RERG: variants seen among roughly 807,000 people sequenced by gnomAD.
RERG encodes ras-related and estrogen-regulated growth inhibitor.
RERG carries 25 observed loss-of-function variants against 23.2 expected under a neutral mutation model. The ratio of observed to expected loss-of-function variants is 1.08; its 90% confidence interval spans 0.79 to 1.50. The LOEUF (loss-of-function observed/expected upper bound fraction) is 1.50. RERG is among the 40% of genes most tolerant of loss of function. RERG has a pLI of 0.00. For missense variants in RERG, 253 were observed against 250.1 expected (o/e 1.01, Z -0.08); for synonymous variants, 81 against 89.1 (o/e 0.91, Z 0.51).
intron 2 of RERG, among the ~76,000 whole-genome samples, chr12:15,139,531 C>T (rs963113808): frequency 2.0e-5 from 3 of 152,058 alleles, no homozygotes; most frequent in Non-Finnish European, 2.9e-5. Context: ...AGATCTGGTA[C>T]ATATTTTGTT....
At chr12:15,169,652 T>C (rs1864748832) in intron 2 of RERG, among the ~76,000 whole-genome samples, 1 of 152,198 alleles carries the variant, frequency 6.6e-6, no homozygotes, top group South Asian at 2.1e-4. Context: ...TTATAATAAA[T>C]CTATTTACAT....
chr12:15,214,392 G>C (rs930416729), intron 2 of RERG, among the ~76,000 whole-genome samples: 1 of 152,086 alleles, frequency 6.6e-6, no homozygotes, highest in Non-Finnish European at 1.5e-5. Flanking sequence ...TTAGCAAATG[G>C]GCAATATGGT....
intron 2 of RERG, among the ~76,000 whole-genome samples, chr12:15,214,533 C>A (rs1365677131): frequency 6.6e-6 from 1 of 152,114 alleles, no homozygotes; most frequent in Non-Finnish European, 1.5e-5. Context: ...TTCTTGCAGA[C>A]TTAAACAAGC....
At chr12:15,143,035 A>G (rs2136103091) in intron 2 of RERG, among the ~76,000 whole-genome samples, 1 of 152,316 alleles carries the variant, frequency 6.6e-6, no homozygotes, top group South Asian at 2.1e-4. Flanking sequence ...TTCAAGTCCA[A>G]AGGATTTGGC....
rs1197182978 is a variant in RERG at position 15,126,128 on chromosome 12, C to CATATATATATATGT, written c.62-5010_62-5009insACATATATATATAT. On this transcript the variant is annotated intron_variant, in intron 2 of 4. Coordinates refer to ENST00000256953, the MANE Select transcript of RERG (RefSeq NM_032918.3). ...ATTCCATGGAGAATGTTGTATATAC[C>CATATATATATATGT]ATATATATATATATATATATATATG... is the stretch of plus-strand genomic sequence containing the variant. Among the ~76,000 whole-genome samples, 131 of 89,092 alleles carry CATATATATATATGT rather than the reference C, an allele frequency of 1.5e-3. 1 individual carries two copies. The highest frequency in any genetic ancestry group is 5.6e-3 in the African/African-American group (124 of 21,974). The allele number at this position is 89,092 out of a possible 152,430, so 58.4% of individuals were successfully genotyped here. A position where few individuals can be genotyped will look rare whatever the true frequency, so the allele number is the denominator to read the frequency against.
In RERG at chr12:15,192,294, C is replaced by T. The variant is rs145723953; in HGVS notation, c.61+25135G>A. The stretch of plus-strand genomic sequence containing the variant: ...ATGATTGGAAGCTTCCTGAGGTCTC[C>T]CCAGAAGCAGGTGCTGCTACGATTC... On this transcript the variant is annotated intron_variant, in intron 2 of 4. Transcript: ENST00000256953. Among the ~76,000 whole-genome samples, 1,347 of 152,204 alleles carry T rather than the reference C, an allele frequency of 8.8e-3. 21 individuals are homozygous for T. The highest frequency in any genetic ancestry group is 0.031 in the African/African-American group (1,278 of 41,530).
intron 2 of RERG, among the ~76,000 whole-genome samples, chr12:15,137,559 T>C (rs1341231379): frequency 6.6e-6 from 1 of 151,854 alleles, no homozygotes; most frequent in African/African-American, 2.4e-5. Context: ...TTTTACTTCG[T>C]TTAGTACTTG....
At chr12:15,194,434 T>C (rs1296668256) in intron 2 of RERG, among the ~76,000 whole-genome samples, 1 of 152,064 alleles carries the variant, frequency 6.6e-6, no homozygotes, top group Admixed American at 6.6e-5. Flanking sequence ...ACATGTGCTT[T>C]TGAAAATCAG....
intron 2 of RERG, among the ~76,000 whole-genome samples, chr12:15,151,257 G>A (rs562095129): frequency 5.5e-4 from 83 of 152,184 alleles, no homozygotes; most frequent in Non-Finnish European, 9.4e-4. Context: ...AACCAATCTC[G>A]GTAAGTCAAT....
intron 2 of RERG, among the ~76,000 whole-genome samples, chr12:15,152,996 T>C (rs1452393053): frequency 6.6e-6 from 1 of 152,194 alleles, no homozygotes; most frequent in African/African-American, 2.4e-5. Flanking sequence ...CACATGAACA[T>C]GAGCCCCTTA....
intron 2 of RERG, among the ~76,000 whole-genome samples, chr12:15,203,902 T>C (rs1016575834): frequency 5.9e-5 from 9 of 151,630 alleles, no homozygotes; most frequent in Non-Finnish European, 1.0e-4. Flanking sequence ...CTATAATACA[T>C]TGATGAAAGA....
At chr12:15,164,022 AGAG>A (rs1442197385) in intron 2 of RERG, among the ~76,000 whole-genome samples, 1 of 152,176 alleles carries the variant, frequency 6.6e-6, no homozygotes, top group East Asian at 1.9e-4. Context: ...CCAGAAATGA[AGAG>A]GAGAAGAGAG....
intron 2 of RERG, among the ~76,000 whole-genome samples, chr12:15,144,240 T>TA (rs1452155058): frequency 6.6e-6 from 1 of 152,182 alleles, no homozygotes; most frequent in Non-Finnish European, 1.5e-5. Context: ...AACTTGGTAA[T>TA]ATCTTTTAAA....
At chr12:15,123,600 A>T (rs1863880010) in intron 2 of RERG, among the ~76,000 whole-genome samples, 1 of 146,440 alleles carries the variant, frequency 6.8e-6, no homozygotes, top group East Asian at 1.9e-4. Context: ...CCAGTTGTAT[A>T]ATTTATTAAA....
At chr12:15,196,856 A>T (rs1344565475) in intron 2 of RERG, among the ~76,000 whole-genome samples, 1 of 152,122 alleles carries the variant, frequency 6.6e-6, no homozygotes, top group Non-Finnish European at 1.5e-5. Context: ...GACTGCTGAC[A>T]CTGAAACGAA....
intron 2 of RERG, among the ~76,000 whole-genome samples, chr12:15,153,631 A>C (rs1307986018): frequency 6.6e-6 from 1 of 152,124 alleles, no homozygotes; most frequent in Non-Finnish European, 1.5e-5. Context: ...ACGGTGCATT[A>C]CTTTTGGCAG....
intron 1 of RERG, among the ~76,000 whole-genome samples, chr12:15,219,502 C>T (rs1865486675): frequency 6.6e-6 from 1 of 152,186 alleles, no homozygotes; most frequent in South Asian, 2.1e-4. Context: ...GAAGCTTAAA[C>T]ATCTGCAATT....
At chr12:15,219,572 GCATT>G (rs1865487381) in intron 1 of RERG, among the ~76,000 whole-genome samples, 1 of 152,180 alleles carries the variant, frequency 6.6e-6, no homozygotes, top group South Asian at 2.1e-4. Flanking sequence ...CACTTTAGAT[GCATT>G]CATTAAGAAA....
chr12:15,200,182 C>T (rs1027349398), intron 2 of RERG, among the ~76,000 whole-genome samples: 2 of 152,054 alleles, frequency 1.3e-5, no homozygotes, highest in Non-Finnish European at 2.9e-5. Flanking sequence ...AATCTTGTTT[C>T]ATCATACTTT....
Sources: gnomAD v4.1 joint callset for allele counts (sites outside exome capture counted in the v4.1 genomes callset) on GRCh38, gnomAD v4.1.1 for gene constraint, MANE v1.5 for transcripts, NCBI Gene and HGNC (gene_info 2026-07-23, HGNC 2026-07-21) for gene names.